HSD17B12: variants seen among roughly 807,000 people sequenced by gnomAD.
HSD17B12 encodes the protein very-long-chain 3-oxoacyl-CoA reductase.
Under a neutral mutation model 39.3 loss-of-function variants are expected in HSD17B12, and 32 were observed. The observed-to-expected ratio is 0.81, with a 90% CI of 0.61 to 1.09. The LOEUF (loss-of-function observed/expected upper bound fraction) is 1.09. Ranked by LOEUF, HSD17B12 falls within the 50% of genes least tolerant of loss-of-function variation. The probability of loss-of-function intolerance (pLI) is 0.00; values close to 1 mark genes in which losing one functional copy is unlikely to be tolerated. For synonymous variants in HSD17B12, 150 were observed against 146.7 expected (o/e 1.02, Z -0.16); for missense variants, 342 against 382.9 (o/e 0.89, Z 0.89).
the HSD17B12 span, chr11:43,645,015 C>T: frequency 1.3e-5 from 2 of 152,212 alleles, no homozygotes; most frequent in African/African-American, 2.4e-5. Flanking sequence ...CTCCCCCAGG[C>T]TTCCCTGGTG....
At chr11:43,646,073 G>A in the HSD17B12 span, 1 of 152,466 alleles carries the variant, frequency 6.6e-6, no homozygotes, top group Non-Finnish European at 1.5e-5. Flanking sequence ...TTGAACCTGG[G>A]AGGTGGAGGC....
At chr11:43,759,790 C>A (rs1457665473) in intron 3 of HSD17B12, among the ~76,000 whole-genome samples, 1 of 151,954 alleles carries the variant, frequency 6.6e-6, no homozygotes, top group East Asian at 1.9e-4. Flanking sequence ...TGCAGTGGCC[C>A]AAATATGGCT....
chr11:43,687,034 T>G (rs902374532), intron 1 of HSD17B12, among the ~76,000 whole-genome samples: 1 of 122,906 alleles, frequency 8.1e-6, no homozygotes, highest in Admixed American at 8.4e-5. Flanking sequence ...ATTTGTCAGA[T>G]TTACATAACA....
At chr11:43,828,031 T>C (rs1951264561) in intron 6 of HSD17B12, among the ~76,000 whole-genome samples, 2 of 152,290 alleles carry the variant, frequency 1.3e-5, no homozygotes, top group Admixed American at 1.3e-4. Flanking sequence ...TTAATGATAC[T>C]GTCACTGAAA....
At chr11:43,669,936 C>T in the HSD17B12 span, among the ~76,000 whole-genome samples, 3 of 152,166 alleles carry the variant, frequency 2.0e-5, no homozygotes, top group African/African-American at 7.2e-5. Flanking sequence ...AGGAAACAGA[C>T]TCTGAGATTG....
intron 1 of HSD17B12, among the ~76,000 whole-genome samples, chr11:43,697,700 G>A (rs1363288767): frequency 6.6e-6 from 1 of 152,170 alleles, no homozygotes; most frequent in Non-Finnish European, 1.5e-5. Flanking sequence ...ATTTCAAGCA[G>A]TGAGAACACC....
chr11:43,756,431 CCTGAGGTAGTTA>C, intron 3 of HSD17B12, among the ~76,000 whole-genome samples: 1 of 152,016 alleles, frequency 6.6e-6, no homozygotes. Flanking sequence ...CACTAATGAG[CCTGAGGTAGTTA>C]CTGAGATAGT....
chr11:43,677,397 T>C (rs1949701411), upstream of HSD17B12, among the ~76,000 whole-genome samples: 1 of 152,150 alleles, frequency 6.6e-6, no homozygotes, highest in South Asian at 2.1e-4. Context: ...ACAAAAACTC[T>C]TGAAGGAAGG....
chr11:43,727,206 G>GC (rs1950229714), intron 1 of HSD17B12, among the ~76,000 whole-genome samples: 2 of 152,210 alleles, frequency 1.3e-5, no homozygotes, highest in Non-Finnish European at 2.9e-5. Flanking sequence ...GGTCTTGCTG[G>GC]TGCTGTTAGA....
chr11:43,677,576 T>C (rs1949702739), upstream of HSD17B12, among the ~76,000 whole-genome samples: 1 of 152,216 alleles, frequency 6.6e-6, no homozygotes, highest in South Asian at 2.1e-4. Context: ...TATCTCCTAA[T>C]GCTATTCCTC....
At chr11:43,796,574 T>C (rs1950918450) in intron 3 of HSD17B12, among the ~76,000 whole-genome samples, 1 of 152,154 alleles carries the variant, frequency 6.6e-6, no homozygotes, top group Non-Finnish European at 1.5e-5. Flanking sequence ...TTCGTGAAAG[T>C]GTCATTGAAT....
At chr11:43,688,844 G>A (rs934425341) in intron 1 of HSD17B12, among the ~76,000 whole-genome samples, 2 of 152,006 alleles carry the variant, frequency 1.3e-5, no homozygotes, top group African/African-American at 4.8e-5. Context: ...ATACTTTTCG[G>A]GATTATTATG....
At chr11:43,725,455 C>T (rs555395820) in intron 1 of HSD17B12, among the ~76,000 whole-genome samples, 1 of 152,304 alleles carries the variant, frequency 6.6e-6, no homozygotes, top group African/African-American at 2.4e-5. Context: ...TTCTGTAATG[C>T]TTTAACATCA....
chr11:43,845,923 A>G (rs902432368), intron 9 of HSD17B12, among the ~76,000 whole-genome samples: 1 of 152,240 alleles, frequency 6.6e-6, no homozygotes, highest in Non-Finnish European at 1.5e-5. Context: ...TTTTGATGCT[A>G]AAGAATTCCT....
chr11:43,684,463 A>G (rs988381847), intron 1 of HSD17B12, among the ~76,000 whole-genome samples: 1 of 152,258 alleles, frequency 6.6e-6, no homozygotes, highest in Non-Finnish European at 1.5e-5. Context: ...GTATTTGAGT[A>G]GTTTCCATTG....
intron 1 of HSD17B12, among the ~76,000 whole-genome samples, chr11:43,689,170 A>G (rs1312773400): frequency 2.6e-5 from 4 of 152,246 alleles, no homozygotes; most frequent in African/African-American, 9.6e-5. Flanking sequence ...GAAGGACTTC[A>G]AAAAATTTGG....
chr11:43,794,365 A>G (rs1950897166), intron 3 of HSD17B12, among the ~76,000 whole-genome samples: 2 of 152,234 alleles, frequency 1.3e-5, no homozygotes, highest in African/African-American at 4.8e-5. Context: ...GGAATGCCAC[A>G]TTGTCATTCT....
At chr11:43,799,369 C>T (rs1225422460) in intron 4 of HSD17B12, among the ~76,000 whole-genome samples, 6 of 152,020 alleles carry the variant, frequency 3.9e-5, no homozygotes, top group Non-Finnish European at 5.9e-5. Flanking sequence ...GGGGTTCAGT[C>T]TTGTATTTTT....
At chr11:43,836,602 A>G (rs112032955) in intron 7 of HSD17B12, among the ~76,000 whole-genome samples, 148 of 152,254 alleles carry the variant, frequency 9.7e-4, no homozygotes, top group African/African-American at 3.4e-3. Flanking sequence ...GAGCTGTGCA[A>G]CTATCACCAC....
Sources: gnomAD v4.1 joint callset for allele counts (sites outside exome capture counted in the v4.1 genomes callset) on GRCh38, gnomAD v4.1.1 for gene constraint, MANE v1.5 for transcripts, NCBI Gene and HGNC (gene_info 2026-07-23, HGNC 2026-07-21) for gene names.